SUPT3H: variants seen among roughly 807,000 people sequenced by gnomAD.
SUPT3H encodes SPT3 homolog, SAGA and STAGA complex component.
In SUPT3H, 44 loss-of-function variants were observed where a neutral mutation model predicts 44.3. The observed-to-expected ratio is 0.99, with a 90% confidence interval of 0.78 to 1.28. The LOEUF (loss-of-function observed/expected upper bound fraction) is 1.28, where lower values mean the gene tolerates loss of function less well. Among genes scored for constraint, SUPT3H ranks in the 50% most tolerant of loss-of-function variants. SUPT3H has a pLI of 0.00. For synonymous variants in SUPT3H, 124 were observed against 125.6 expected (o/e 0.99, Z 0.09); for missense variants, 380 against 387.1 (o/e 0.98, Z 0.15).
chr6:45,209,438 G>A lies in SUPT3H; in HGVS notation c.102-103432C>T, dbSNP rs942556016. On this transcript the variant is annotated intron_variant, in intron 2 of 10. Transcript: ENST00000371459. The stretch of plus-strand genomic sequence containing the variant: ...GAGTTTGGAAGAAGCTGATTTCAGC[G>A]CTCATGGATAACTTTTAGGGATTCA... Among the ~76,000 whole-genome samples, 6 of 152,272 alleles carry A rather than the reference G, an allele frequency of 3.9e-5. No individual in the cohort carries two copies. The South Asian group carries it at 8.3e-4, about 21-fold the overall frequency.
intron 2 of SUPT3H, among the ~76,000 whole-genome samples, chr6:45,326,080 G>A (rs1786295042): frequency 6.6e-6 from 1 of 151,752 alleles, no homozygotes; most frequent in Non-Finnish European, 1.5e-5. Context: ...AAAGTGAACA[G>A]GTAATTAAAT....
At chr6:45,062,681 A>G (rs1792353246) in intron 3 of SUPT3H, among the ~76,000 whole-genome samples, 1 of 152,206 alleles carries the variant, frequency 6.6e-6, no homozygotes, top group Non-Finnish European at 1.5e-5. Context: ...TCCCTTTCCG[A>G]GTCAAAGAAA....
At chr6:45,100,655 C>G (rs1362637845) in intron 3 of SUPT3H, among the ~76,000 whole-genome samples, 1 of 149,546 alleles carries the variant, frequency 6.7e-6, no homozygotes, top group Non-Finnish European at 1.5e-5. Context: ...AAATAATCAC[C>G]TCACCCTAAT....
At chr6:45,067,037 GCAT>G (rs1354942372) in intron 3 of SUPT3H, among the ~76,000 whole-genome samples, 1 of 144,084 alleles carries the variant, frequency 6.9e-6, no homozygotes, top group East Asian at 2.1e-4. Flanking sequence ...AAAGCTGGAG[GCAT>G]CACACTACCT....
At chr6:44,927,623 GGTAA>G (rs1434620742) in intron 10 of SUPT3H, among the ~76,000 whole-genome samples, 1 of 151,882 alleles carries the variant, frequency 6.6e-6, no homozygotes, top group Admixed American at 6.6e-5. Context: ...AAAATCGGGT[GGTAA>G]GTATGTACAC....
intron 2 of SUPT3H, among the ~76,000 whole-genome samples, chr6:45,259,258 AT>A (rs1381327295): frequency 3.9e-5 from 6 of 151,998 alleles, no homozygotes; most frequent in African/African-American, 1.4e-4. Flanking sequence ...ATTCTTTTCA[AT>A]TGGGGGGGAG....
intron 2 of SUPT3H, among the ~76,000 whole-genome samples, chr6:45,296,738 CAAAA>C (rs60921436): frequency 0.013 from 400 of 29,696 alleles, 6 homozygotes; most frequent in African/African-American, 0.026. Context: ...GACTCTGTCT[CAAAA>C]AAAAAAAAAA....
intron 3 of SUPT3H, among the ~76,000 whole-genome samples, chr6:45,060,682 T>G (rs1313770522): frequency 6.6e-6 from 1 of 151,816 alleles, no homozygotes; most frequent in African/African-American, 2.4e-5. Flanking sequence ...TGGGAGAAAA[T>G]TTTGCAATCT....
At chr6:45,321,761 G>T in intron 2 of SUPT3H, 1 of 1,459,356 alleles carries the variant, frequency 6.9e-7, no homozygotes, top group East Asian at 2.3e-5. Flanking sequence ...TTGTTCTCTT[G>T]AAAAGCGATA....
chr6:45,363,210 G>C (rs1263210461), intron 2 of SUPT3H, among the ~76,000 whole-genome samples: 1 of 152,122 alleles, frequency 6.6e-6, no homozygotes, highest in African/African-American at 2.4e-5. Flanking sequence ...AGATGAATAA[G>C]CCTGGGTATG....
At chr6:45,337,872 AT>A (rs1033814954) in intron 2 of SUPT3H, among the ~76,000 whole-genome samples, 1 of 151,960 alleles carries the variant, frequency 6.6e-6, no homozygotes, top group African/African-American at 2.4e-5. Context: ...ATAAGATTTT[AT>A]TTTTTTAGAG....
At chr6:44,972,883 T>G (rs1287717623) in intron 6 of SUPT3H, among the ~76,000 whole-genome samples, 1 of 152,320 alleles carries the variant, frequency 6.6e-6, no homozygotes, top group East Asian at 1.9e-4. Flanking sequence ...AGCAAGGCCC[T>G]GGGCCTGACT....
At chr6:45,214,016 A>T (rs904368542) in intron 2 of SUPT3H, among the ~76,000 whole-genome samples, 2 of 7,170 alleles carry the variant, frequency 2.8e-4, no homozygotes, top group African/African-American at 1.6e-3. Flanking sequence ...TTTGAAATGC[A>T]AAAAAAAAAA....
chr6:45,322,738 C>T (rs1277971672), intron 2 of SUPT3H: 5 of 628,128 alleles, frequency 8.0e-6, no homozygotes, highest in African/African-American at 7.4e-5. Context: ...ACTGTCAAGA[C>T]ATGTATTCCT....
At chr6:45,144,515 A>C (rs1805720167) in intron 2 of SUPT3H, among the ~76,000 whole-genome samples, 1 of 152,120 alleles carries the variant, frequency 6.6e-6, no homozygotes, top group Admixed American at 6.6e-5. Context: ...CAAGGAAATA[A>C]AACCCATCTA....
intron 4 of SUPT3H, among the ~76,000 whole-genome samples, chr6:45,019,897 T>C (rs998316204): frequency 6.6e-6 from 1 of 151,928 alleles, no homozygotes; most frequent in South Asian, 2.1e-4. Context: ...CATCTAAGAG[T>C]TGATTAACTG....
At chr6:45,201,810 G>T (rs1254389200) in intron 2 of SUPT3H, among the ~76,000 whole-genome samples, 1 of 151,722 alleles carries the variant, frequency 6.6e-6, no homozygotes, top group Non-Finnish European at 1.5e-5. Flanking sequence ...TTTCACATCT[G>T]TTCCAACTAA....
At chr6:45,200,005 GACTC>G (rs1379324322) in intron 2 of SUPT3H, among the ~76,000 whole-genome samples, 1 of 151,340 alleles carries the variant, frequency 6.6e-6, no homozygotes, top group Non-Finnish European at 1.5e-5. Flanking sequence ...CATCTGCAAA[GACTC>G]ACTCAGTCAA....
intron 6 of SUPT3H, among the ~76,000 whole-genome samples, chr6:44,991,458 T>C (rs1167093642): frequency 6.6e-6 from 1 of 152,098 alleles, no homozygotes; most frequent in Admixed American, 6.6e-5. Context: ...GATATGCTAA[T>C]ACAATAGATT....
Sources: gnomAD v4.1 joint callset for allele counts (sites outside exome capture counted in the v4.1 genomes callset) on GRCh38, gnomAD v4.1.1 for gene constraint, MANE v1.5 for transcripts, NCBI Gene and HGNC (gene_info 2026-07-23, HGNC 2026-07-21) for gene names.